The following POLR2F variants were observed in gnomAD, a reference collection of about 807,000 sequenced individuals.
The protein encoded by POLR2F is DNA-directed RNA polymerases I, II, and III subunit RPABC2.
In POLR2F, 12 loss-of-function variants were observed where a neutral mutation model predicts 22.7. The observed-to-expected ratio is 0.53, with a 90% CI of 0.34 to 0.86. The LOEUF (loss-of-function observed/expected upper bound fraction) is 0.86. Among genes scored for constraint, POLR2F ranks in the 40% least tolerant of loss-of-function variants. POLR2F has a pLI of 0.02. For missense variants in POLR2F, 126 were observed against 171.5 expected (o/e 0.73, Z 1.48); for synonymous variants, 57 against 66.0 (o/e 0.86, Z 0.66).
chr22:37,991,324 G>T (rs1222310599), intron 1 of POLR2F, among the ~76,000 whole-genome samples: 2 of 152,054 alleles, frequency 1.3e-5, no homozygotes, highest in Non-Finnish European at 2.9e-5. Context: ...TCACCATGTT[G>T]GCCAGGCTGG....
At chr22:38,039,187 G>A (rs980887140) in intron 5 of POLR2F, among the ~76,000 whole-genome samples, 7 of 152,174 alleles carry the variant, frequency 4.6e-5, no homozygotes, top group Admixed American at 1.3e-4. Flanking sequence ...CTCTGCACCC[G>A]CTCCCACCCG....
chr22:37,961,797 G>T (rs1931651062), intron 3 of POLR2F, among the ~76,000 whole-genome samples: 1 of 152,094 alleles, frequency 6.6e-6, no homozygotes, highest in Non-Finnish European at 1.5e-5. Context: ...GACAGAGCGG[G>T]GTACTCTAAT....
intron 2 of POLR2F, among the ~76,000 whole-genome samples, chr22:37,957,572 A>T (rs1931449967): frequency 6.6e-6 from 1 of 152,056 alleles, no homozygotes; most frequent in Non-Finnish European, 1.5e-5. Flanking sequence ...TGTTCTGGAG[A>T]GACATGGAGC....
chr22:38,039,243 C>G (rs1455959720), intron 5 of POLR2F, among the ~76,000 whole-genome samples: 1 of 152,218 alleles, frequency 6.6e-6, no homozygotes, highest in Non-Finnish European at 1.5e-5. Flanking sequence ...AGCCTAAAAC[C>G]AAATGTACCG....
In POLR2F at chr22:38,025,530, C is replaced by T. The variant is rs533550012; in HGVS notation, c.121-339C>T. On this transcript the variant is annotated intron_variant, in intron 1 of 2. Coordinates refer to the POLR2F transcript ENST00000333418. ...CAACATTCACAAATTCCCTGATCGTCCCCCTCGTTTGCCTGTCCACGCCCT... is the reference window on the plus strand; with the variant it reads ...CAACATTCACAAATTCCCTGATCGTTCCCCTCGTTTGCCTGTCCACGCCCT... 3.1e-5 allele frequency: 44 copies of T among 1,432,204 alleles called. No homozygotes were observed. In the South Asian group the frequency reaches 7.1e-4, roughly 23 times the overall value. 88.7% of individuals were successfully genotyped at this position (1,432,204 alleles called of 1,614,324 possible). A position where few individuals can be genotyped will look rare whatever the true frequency, so the allele number is the denominator to read the frequency against.
downstream of POLR2F, chr22:37,972,094 GA>G (rs1932073734): frequency 1.4e-5 from 4 of 282,210 alleles, no homozygotes; most frequent in South Asian, 2.7e-5. Context: ...GGGGAGGGGG[GA>G]GAGAGAGAGA....
At position 38,016,780 on chromosome 22, in the gene POLR2F, G is replaced by A. The variant is rs2084919559; in HGVS notation, c.121-9089G>A. Among the ~76,000 whole-genome samples the A allele has an allele frequency of 1.3e-5, 2 of 151,872 alleles. No homozygotes were observed. Among genetic ancestry groups the A allele is most frequent in the South Asian group, 4.1e-4 (2 of 4,830 alleles). ...CGCCGTCAATGCCCGCATTGTCCCC[G>A]CGCTTTTTGTTTCTACTGTAATGAC... On this transcript the variant is annotated intron_variant, in intron 1 of 2. Coordinates refer to the POLR2F transcript ENST00000333418. The surrounding 1 kb of genome is among the most constrained non-coding windows in gnomAD (Gnocchi z 4.4).
At chr22:37,983,663 C>T (rs199750760), upstream of POLR2F, 3 of 1,584,728 alleles carry the variant, frequency 1.9e-6, no homozygotes, top group Non-Finnish European at 2.6e-6. The surrounding 1 kb of genome is among the most constrained non-coding windows in gnomAD (Gnocchi z 9.5). Context: ...GGCTCGCAGG[C>T]CCGATCCGCC....
chr22:38,033,951 C>T (rs2085090709), intron 5 of POLR2F, among the ~76,000 whole-genome samples: 1 of 152,170 alleles, frequency 6.6e-6, no homozygotes, highest in South Asian at 2.1e-4. Context: ...CCCTTTGATT[C>T]TGGGAGTCAA....
rs563167807 is a variant in POLR2F, at chr22:37,967,827, A to G, written c.*112A>G. 25 of 1,463,074 alleles carry G rather than the reference A, an allele frequency of 1.7e-5. No individual in the cohort carries two copies. Among genetic ancestry groups the G allele is most frequent in the African/African-American group, 2.8e-5 (2 of 70,230 alleles). 90.6% of individuals were successfully genotyped at this position (1,463,074 alleles called of 1,614,324 possible). Reference sequence around the variant, plus strand: ...CCCCCTTCCCCTCTGCTTATCTGCAATGTCACCACCTGTTGCTTCCCCGTT... The same window carrying G: ...CCCCCTTCCCCTCTGCTTATCTGCAGTGTCACCACCTGTTGCTTCCCCGTT... On this transcript the variant is annotated 3_prime_UTR_variant, in exon 5 of 5. Coordinates refer to ENST00000442738, the MANE Select transcript of POLR2F (RefSeq NM_021974.5).
At chr22:38,013,898 G>A (rs537984737) in intron 1 of POLR2F, among the ~76,000 whole-genome samples, 2 of 152,072 alleles carry the variant, frequency 1.3e-5, no homozygotes, top group South Asian at 4.1e-4. Context: ...TGAGGCGGGC[G>A]GATCACCTGA....
At chr22:37,973,590 A>G (rs1932125552), downstream of POLR2F, 1 of 1,612,930 alleles carries the variant, frequency 6.2e-7, no homozygotes, top group African/African-American at 1.3e-5. Flanking sequence ...ATGGCCGTGT[A>G]GAGGGGCCGC....
chr22:37,999,594 C>T (rs996324748), intron 1 of POLR2F, among the ~76,000 whole-genome samples: 1 of 152,030 alleles, frequency 6.6e-6, no homozygotes, highest in African/African-American at 2.4e-5. Flanking sequence ...CCCTTCCCCT[C>T]CCCAGGGCCT....
At chr22:37,961,816 G>GGGGAACCATGA (rs1555934815) in intron 3 of POLR2F, among the ~76,000 whole-genome samples, 4 of 151,316 alleles carry the variant, frequency 2.6e-5, no homozygotes, top group Non-Finnish European at 5.9e-5. Flanking sequence ...ATGGTACTGT[G>GGGGAACCATGA]GGGAAGCATG....
chr22:37,974,358 T>G lies in POLR2F; in HGVS notation c.293+7188T>G, dbSNP rs1341661232. 2.1e-5 allele frequency among the ~76,000 whole-genome samples: 3 copies of G among 144,206 alleles called. No homozygotes were observed. The highest frequency in any genetic ancestry group is 2.2e-4 in the South Asian group (1 of 4,542). 94.6% of individuals were successfully genotyped at this position (144,206 alleles called of 152,430 possible). A position where few individuals can be genotyped will look rare whatever the true frequency, so the allele number is the denominator to read the frequency against. ...GCAGCATGAGTCGGGTTTTTTTTTG[T>G]TTTTTTTTTTTGAGATGGAGTTTCG... is the stretch of plus-strand genomic sequence containing the variant. On this transcript the variant is annotated intron_variant, in intron 4 of 4. Coordinates refer to the POLR2F transcript ENST00000405557. This position sits in a 1 kb window ranked among gnomAD's most constrained non-coding sequence, Gnocchi z 5.4.
intron 1 of POLR2F, among the ~76,000 whole-genome samples, chr22:38,004,816 C>G (rs1200974937): frequency 6.6e-6 from 1 of 152,084 alleles, no homozygotes; most frequent in Admixed American, 6.6e-5. Flanking sequence ...TTGTGGCGCA[C>G]ACCTGTAATC....
At chr22:38,008,366 A>G (rs1297930764) in intron 1 of POLR2F, among the ~76,000 whole-genome samples, 1 of 149,834 alleles carries the variant, frequency 6.7e-6, no homozygotes, top group Non-Finnish European at 1.5e-5. Context: ...GCTGGTCAAC[A>G]TGGTAAGACC....
intron 4 of POLR2F, among the ~76,000 whole-genome samples, chr22:37,975,085 C>T (rs1369288574): frequency 6.6e-6 from 1 of 152,220 alleles, no homozygotes; most frequent in African/African-American, 2.4e-5. Flanking sequence ...CATGGGAGGG[C>T]ACTTAGAAAA....
intron 3 of POLR2F, among the ~76,000 whole-genome samples, chr22:37,965,269 A>G (rs1931810470): frequency 6.6e-6 from 1 of 152,158 alleles, no homozygotes; most frequent in Non-Finnish European, 1.5e-5. Context: ...AGCCTCCCAA[A>G]GTGCTGTGAT....
Sources: gnomAD v4.1 joint callset for allele counts (sites outside exome capture counted in the v4.1 genomes callset) on GRCh38, gnomAD v4.1.1 for gene constraint, Gnocchi (gnomAD v3.1) non-coding constraint, MANE v1.5 for transcripts, NCBI Gene and HGNC (gene_info 2026-07-23, HGNC 2026-07-21) for gene names.